The following GRM1 variants were observed in gnomAD, a reference collection of about 807,000 sequenced individuals.
The protein encoded by GRM1 is metabotropic glutamate receptor 1.
GRM1 carries 33 observed loss-of-function variants against 90.9 expected under a neutral mutation model. The ratio of observed to expected loss-of-function variants is 0.36; its 90% CI spans 0.28 to 0.49. GRM1 has a LOEUF of 0.49. GRM1 is among the 20% of genes least tolerant of loss of function. The pLI is 0.99. For missense variants in GRM1, 1,190 were observed against 1,534.3 expected (o/e 0.78, Z 3.75); for synonymous variants, 700 against 613.2 (o/e 1.14, Z -2.09).
rs186962620 is a variant in GRM1, at chr6:146,294,616, A to G, written c.951-9995A>G. On this transcript the variant is annotated intron_variant, in intron 2 of 7. Transcript: ENST00000282753. ...TGTGTGAAAATATTCTAAATCTCTA[A>G]CAAATTTTGCCAGCTTCTTCTATTA... 2.6e-3 allele frequency among the ~76,000 whole-genome samples: 389 copies of G among 152,262 alleles called. 2 individuals are homozygous for G. The highest frequency in any genetic ancestry group is 0.014 in the Middle Eastern group (4 of 294).
intron 7 of GRM1, among the ~76,000 whole-genome samples, chr6:146,427,600 A>T (rs1778257510): frequency 6.6e-6 from 1 of 152,172 alleles, no homozygotes; most frequent in African/African-American, 2.4e-5. Flanking sequence ...GTGCAATGGG[A>T]AGTCTGTTGT....
chr6:146,142,311 C>T (rs532976225), intron 1 of GRM1, among the ~76,000 whole-genome samples: 1 of 152,204 alleles, frequency 6.6e-6, no homozygotes, highest in African/African-American at 2.4e-5. Context: ...GTGACACAAG[C>T]ACTCCTGTGG....
At chr6:146,068,144 C>G (rs1017450624) in intron 1 of GRM1, among the ~76,000 whole-genome samples, 3 of 146,082 alleles carry the variant, frequency 2.1e-5, no homozygotes, top group African/African-American at 7.5e-5. Context: ...CGGAGTCTTG[C>G]TCTGTCGTCC....
At chr6:146,432,461 A>T (rs961870083) in intron 7 of GRM1, among the ~76,000 whole-genome samples, 35 of 152,212 alleles carry the variant, frequency 2.3e-4, no homozygotes, top group African/African-American at 8.0e-4. Flanking sequence ...TCGTTCTTGT[A>T]TTCTCAAGAT....
At chr6:146,180,770 C>T (rs949183777) in intron 2 of GRM1, among the ~76,000 whole-genome samples, 1 of 152,058 alleles carries the variant, frequency 6.6e-6, no homozygotes, top group Non-Finnish European at 1.5e-5. Flanking sequence ...CAACCCACAG[C>T]CTGGTTTTAC....
In GRM1 at chr6:146,352,443, T is replaced by C; in HGVS notation, c.1380T>C (p.Ile460=). Residue 460 remains isoleucine (I), a synonymous_variant, in exon 4 of 8, where the codon ATT becomes ATC. Coordinates refer to ENST00000282753, the MANE Select transcript of GRM1 (RefSeq NM_001278064.2). ...LLDFLIKSSF[I]GVSGEEVWFD... is the part of the protein sequence containing the mutation. Reference sequence around the variant, plus strand: ...ACTTCCTCATCAAGTCCTCATTCATTGGAGTATCTGGAGAGGAGGTGTGGT... The same window carrying C: ...ACTTCCTCATCAAGTCCTCATTCATCGGAGTATCTGGAGAGGAGGTGTGGT... 6.2e-7 allele frequency: 1 copy of C among 1,613,600 alleles called. No homozygotes were observed. The highest frequency in any genetic ancestry group is 8.5e-7 in the Non-Finnish European group (1 of 1,179,534).
At chr6:146,116,336 T>C (rs1170908521) in intron 1 of GRM1, among the ~76,000 whole-genome samples, 1 of 152,200 alleles carries the variant, frequency 6.6e-6, no homozygotes, top group East Asian at 1.9e-4. Context: ...TAGCCTTGAA[T>C]TTTATCAAAG....
intron 2 of GRM1, among the ~76,000 whole-genome samples, chr6:146,250,237 T>C (rs1781223627): frequency 6.6e-6 from 1 of 152,136 alleles, no homozygotes; most frequent in Non-Finnish European, 1.5e-5. Flanking sequence ...CTTTGAAATG[T>C]GAAAAGGACA....
chr6:146,211,626 T>C lies in GRM1; in HGVS notation c.950+52029T>C, dbSNP rs185690161. Among the ~76,000 whole-genome samples, 55 of 152,342 alleles carry C rather than the reference T, an allele frequency of 3.6e-4. 2 individuals are homozygous for C. The highest frequency in any genetic ancestry group is 3.0e-3 in the Admixed American group (46 of 15,308). On this transcript the variant is annotated intron_variant, in intron 2 of 7. Transcript: ENST00000282753. ...TTGAGATCTTATTTGAAAAAGCATC[T>C]GTAAATTTTCATCAAACATCTCAAA...
chr6:146,118,437 C>A (rs975035867), intron 1 of GRM1, among the ~76,000 whole-genome samples: 1 of 152,058 alleles, frequency 6.6e-6, no homozygotes, highest in African/African-American at 2.4e-5. Context: ...CTGTGCCCGG[C>A]CTATTTATTT....
intron 7 of GRM1, among the ~76,000 whole-genome samples, chr6:146,414,974 G>A (rs1777721929): frequency 6.6e-6 from 1 of 152,058 alleles, no homozygotes; most frequent in South Asian, 2.1e-4. Context: ...ATTTATTACT[G>A]TAATGCATTA....
At chr6:146,122,358 G>A (rs1277667421) in intron 1 of GRM1, among the ~76,000 whole-genome samples, 1 of 151,920 alleles carries the variant, frequency 6.6e-6, no homozygotes, top group Non-Finnish European at 1.5e-5. Context: ...TTATTAGGTG[G>A]TATCTAGATT....
chr6:146,283,599 A>G (rs908095774), intron 2 of GRM1, among the ~76,000 whole-genome samples: 2 of 152,230 alleles, frequency 1.3e-5, no homozygotes, highest in African/African-American at 4.8e-5. Context: ...CCTTAGAAAA[A>G]GAGTGGAAGA....
intron 2 of GRM1, among the ~76,000 whole-genome samples, chr6:146,189,314 C>A (rs1228928533): frequency 6.6e-6 from 1 of 152,186 alleles, no homozygotes; most frequent in Non-Finnish European, 1.5e-5. Flanking sequence ...GGCATTCCCA[C>A]CAGCTTTTTG....
intron 2 of GRM1, among the ~76,000 whole-genome samples, chr6:146,220,758 C>T (rs1780032839): frequency 6.6e-6 from 1 of 152,014 alleles, no homozygotes; most frequent in Non-Finnish European, 1.5e-5. Context: ...AGGGGAAGGA[C>T]AAGGAGTGAG....
At chr6:146,053,910 G>A (rs1273841076) in intron 1 of GRM1, among the ~76,000 whole-genome samples, 1 of 152,002 alleles carries the variant, frequency 6.6e-6, no homozygotes, top group Non-Finnish European at 1.5e-5. Context: ...AATACCATTT[G>A]TAGGACTTTC....
At chr6:146,216,027 G>C (rs1448677908) in intron 2 of GRM1, among the ~76,000 whole-genome samples, 1 of 152,136 alleles carries the variant, frequency 6.6e-6, no homozygotes, top group Non-Finnish European at 1.5e-5. Flanking sequence ...AAAGTGCTGG[G>C]ATTACAGGCG....
intron 5 of GRM1, among the ~76,000 whole-genome samples, chr6:146,363,379 C>T (rs911608226): frequency 3.3e-4 from 50 of 152,118 alleles, no homozygotes; most frequent in African/African-American, 1.2e-3. Flanking sequence ...AAAGAGCTCT[C>T]TATATTTACA....
chr6:146,407,770 GCTCT>G (rs1777401006), intron 7 of GRM1, among the ~76,000 whole-genome samples: 1 of 152,040 alleles, frequency 6.6e-6, no homozygotes, highest in African/African-American at 2.4e-5. Context: ...TCATTCAGTG[GCTCT>G]CTAAGTTTGT....
Sources: allele counts gnomAD v4.1 joint callset (sites outside exome capture counted in the v4.1 genomes callset), GRCh38; gene constraint gnomAD v4.1.1; transcripts MANE v1.5; gene names NCBI Gene and HGNC (gene_info 2026-07-23, HGNC 2026-07-21).